Variants in JAK1 observed in about 807,000 individuals in gnomAD.
The protein encoded by JAK1 is Janus kinase 1.
In JAK1, 16 loss-of-function variants were observed where a neutral mutation model predicts 136.6. The ratio of observed to expected loss-of-function variants is 0.12; its 90% CI spans 0.08 to 0.18. The LOEUF (loss-of-function observed/expected upper bound fraction) is 0.18, where lower values mean the gene tolerates loss of function less well. Among genes scored for constraint, JAK1 ranks in the 10% least tolerant of loss-of-function variants. The probability of loss-of-function intolerance (pLI) is 1.00; values close to 1 mark genes in which losing one functional copy is unlikely to be tolerated. For missense variants in JAK1, 859 were observed against 1,450.1 expected, an observed-to-expected ratio of 0.59 and a Z score of 6.62; for synonymous variants, 492 against 519.5, an observed-to-expected ratio of 0.95 and a Z score of 0.72.
chr1:64,942,698 C>T (rs1189161932), intron 1 of JAK1, among the ~76,000 whole-genome samples: 1 of 152,098 alleles, frequency 6.6e-6, no homozygotes, highest in East Asian at 1.9e-4. Flanking sequence ...TCAGCAAATG[C>T]CATGCCTGCC....
intron 10 of JAK1, 38 bp downstream of exon 10, chr1:64,857,618 G>A (rs897676361): frequency 6.2e-7 from 1 of 1,612,332 alleles, no homozygotes; most frequent in Non-Finnish European, 8.5e-7. Flanking sequence ...GACACCTCAT[G>A]GCTGTATGGC....
chr1:64,843,750 C>G (rs1353460988), intron 17 of JAK1, among the ~76,000 whole-genome samples: 1 of 152,122 alleles, frequency 6.6e-6, no homozygotes, highest in Non-Finnish European at 1.5e-5. Context: ...GAATAACAGG[C>G]ACTTAAAATC....
chr1:65,028,259 A>G (rs1477432826), intron 2 of JAK1, among the ~76,000 whole-genome samples: 3 of 151,952 alleles, frequency 2.0e-5, no homozygotes, highest in Non-Finnish European at 4.4e-5. Context: ...CACAATTCTT[A>G]TTCTCCTTCC....
At chr1:64,845,753 A>T in intron 14 of JAK1, 113 bp from the exon 15 acceptor site, 2 of 1,312,408 alleles carry the variant, frequency 1.5e-6, no homozygotes, top group East Asian at 4.6e-5. Flanking sequence ...GAGTACACAG[A>T]TATCCTTGGG....
At chr1:64,924,300 T>C (rs1458583163) in intron 1 of JAK1, among the ~76,000 whole-genome samples, 1 of 152,204 alleles carries the variant, frequency 6.6e-6, no homozygotes, top group African/African-American at 2.4e-5. Context: ...TTACATAAAA[T>C]GGAATTACAG....
intron 2 of JAK1, chr1:64,979,671 A>G (rs1416721293): frequency 2.0e-5 from 3 of 152,258 alleles, no homozygotes; most frequent in Admixed American, 2.0e-4. Context: ...GTACTATACT[A>G]GGCCCTTGGC....
intron 2 of JAK1, 28 bp from the exon 3 acceptor site, chr1:64,883,503 T>G: frequency 2.5e-6 from 4 of 1,591,978 alleles, no homozygotes; most frequent in Non-Finnish European, 3.4e-6. Flanking sequence ...CAAGACTATG[T>G]GGTCACTCTA....
rs550689281 is a variant in JAK1, at chr1:64,867,064, A to G, written c.792T>C (p.His264=). 2 of 1,614,250 alleles carry G rather than the reference A, an allele frequency of 1.2e-6. No homozygotes were observed. The highest frequency in any genetic ancestry group is 1.7e-5 in the Admixed American group (1 of 60,034). ...KTICDSSVST[H]DLKVKYLATL... is the part of the protein sequence containing the mutation. ...TAGCCAAGTATTTCACCTTCAGGTC[A>G]TGCGTGGACACGCTGCTGTCACAAA... Residue 264 remains histidine, a synonymous_variant, in exon 7 of 25, where the codon CAT becomes CAC. Transcript: ENST00000342505.
At chr1:65,038,140 C>T (rs1647093118) in intron 2 of JAK1, among the ~76,000 whole-genome samples, 1 of 151,960 alleles carries the variant, frequency 6.6e-6, no homozygotes, top group African/African-American at 2.4e-5. Context: ...AGAAGGGCCC[C>T]AAGCTTGGTT....
Position 64,866,849 on chromosome 1 carries a change from T to G in JAK1, c.990+17A>C. On this transcript the variant is annotated intron_variant, in intron 7 of 24. Coordinates refer to ENST00000342505, the MANE Select transcript of JAK1 (RefSeq NM_002227.4). ...CACGGGAATGTTCTCTTTGATCGAC[T>G]GCCAACAGCCACTTACATTTGGTTT... 1.9e-6 allele frequency: 3 copies of G among 1,579,348 alleles called. No individual in the cohort carries two copies. The highest frequency in any genetic ancestry group is 1.7e-6 in the Non-Finnish European group (2 of 1,153,230).
At chr1:65,063,165 G>T (rs780814474) in intron 1 of JAK1, among the ~76,000 whole-genome samples, 1 of 152,196 alleles carries the variant, frequency 6.6e-6, no homozygotes, top group African/African-American at 2.4e-5. Flanking sequence ...ACAGAAAGTA[G>T]ATGAAGCAAA....
intron 1 of JAK1, among the ~76,000 whole-genome samples, chr1:64,900,965 T>C (rs1645095887): frequency 6.6e-6 from 1 of 152,160 alleles, no homozygotes; most frequent in South Asian, 2.1e-4. Flanking sequence ...CATCAAGGTT[T>C]CCCTGACTTC....
At chr1:64,919,726 A>G (rs1645463001) in intron 1 of JAK1, among the ~76,000 whole-genome samples, 1 of 152,180 alleles carries the variant, frequency 6.6e-6, no homozygotes, top group African/African-American at 2.4e-5. Context: ...AATTTGTGCC[A>G]TTATTTACTT....
At chr1:64,963,528 G>T (rs1646320595) in intron 1 of JAK1, among the ~76,000 whole-genome samples, 2 of 152,016 alleles carry the variant, frequency 1.3e-5, no homozygotes, top group African/African-American at 4.8e-5. Context: ...TCCACAGGCG[G>T]CTTTTTACTC....
intron 1 of JAK1, among the ~76,000 whole-genome samples, chr1:64,906,664 G>A (rs1364560208): frequency 1.3e-5 from 2 of 152,148 alleles, no homozygotes; most frequent in Non-Finnish European, 2.9e-5. Flanking sequence ...AAGAAGGCAG[G>A]GCTGTGACAG....
chr1:65,061,000 AACT>A (rs1308229125), intron 1 of JAK1, among the ~76,000 whole-genome samples: 18 of 152,216 alleles, frequency 1.2e-4, no homozygotes, highest in Non-Finnish European at 1.9e-4. Flanking sequence ...ACTGATTTTA[AACT>A]ACTTCTTCTA....
chr1:64,990,027 G>T (rs1646640413), intron 2 of JAK1: 1 of 152,206 alleles, frequency 6.6e-6, no homozygotes, highest in South Asian at 2.1e-4. Context: ...CTCACTGAAG[G>T]CCAGGCGTGG....
chr1:64,849,116 G>A (rs889255262), intron 12 of JAK1, among the ~76,000 whole-genome samples: 1 of 152,160 alleles, frequency 6.6e-6, no homozygotes, highest in Non-Finnish European at 1.5e-5. Context: ...GGCCCATATG[G>A]CCCACTTCAT....
chr1:64,922,021 G>A lies in JAK1; in HGVS notation c.-77-35680C>T, dbSNP rs533717202. Among the ~76,000 whole-genome samples, 203 of 151,838 alleles carry A rather than the reference G, an allele frequency of 1.3e-3. 1 individual carries two copies. Among genetic ancestry groups the A allele is most frequent in the African/African-American group, 4.6e-3 (192 of 41,416 alleles). On this transcript the variant is annotated intron_variant, in intron 1 of 24. Coordinates refer to ENST00000342505, the MANE Select transcript of JAK1 (RefSeq NM_002227.4). ...GGCATAGGGACTTCAATCTTCTCCCGACAGATGGACATTTAGACATTCCAT... is the reference window on the plus strand; with the variant it reads ...GGCATAGGGACTTCAATCTTCTCCCAACAGATGGACATTTAGACATTCCAT...
Sources: gnomAD v4.1 joint callset for allele counts (sites outside exome capture counted in the v4.1 genomes callset) on GRCh38, gnomAD v4.1.1 for gene constraint, MANE v1.5 for transcripts, NCBI Gene and HGNC (gene_info 2026-07-23, HGNC 2026-07-21) for gene names.